Variants in TBC1D5 observed in about 807,000 individuals in gnomAD.
The protein encoded by TBC1D5 is TBC1 domain family member 5.
Under a neutral mutation model 100.3 loss-of-function variants are expected in TBC1D5, and 75 were observed. The observed-to-expected ratio is 0.75, with a 90% CI of 0.62 to 0.91. The LOEUF is 0.91. TBC1D5 is among the 40% of genes least tolerant of loss of function. The probability of loss-of-function intolerance (pLI) is 0.00; values close to 1 mark genes in which losing one functional copy is unlikely to be tolerated. For missense variants in TBC1D5, 910 were observed against 942.4 expected (o/e 0.97, Z 0.45); for synonymous variants, 323 against 325.6 (o/e 0.99, Z 0.09).
intron 17 of TBC1D5, among the ~76,000 whole-genome samples, chr3:17,220,274 A>G (rs2074127441): frequency 6.6e-6 from 1 of 152,132 alleles, no homozygotes. Context: ...ATCTGTTGCA[A>G]TTTCTGAAGG....
chr3:17,671,366 C>T (rs2067916676), intron 1 of TBC1D5, among the ~76,000 whole-genome samples: 1 of 152,154 alleles, frequency 6.6e-6, no homozygotes, highest in Non-Finnish European at 1.5e-5. Context: ...CTCTGGACAG[C>T]AAACCAAAAA....
chr3:17,483,218 A>G (rs181371247), intron 3 of TBC1D5, among the ~76,000 whole-genome samples: 1 of 152,314 alleles, frequency 6.6e-6, no homozygotes, highest in Non-Finnish European at 1.5e-5. Flanking sequence ...CTAAAATTAG[A>G]TAAACCATAT....
At chr3:17,405,340 A>G (rs2093743497) in intron 5 of TBC1D5, among the ~76,000 whole-genome samples, 1 of 152,094 alleles carries the variant, frequency 6.6e-6, no homozygotes, top group Non-Finnish European at 1.5e-5. Flanking sequence ...AGTAATTGCT[A>G]CATTTAAGGT....
chr3:17,169,100 A>G (rs2066923604), intron 19 of TBC1D5, among the ~76,000 whole-genome samples: 1 of 151,554 alleles, frequency 6.6e-6, no homozygotes, highest in Non-Finnish European at 1.5e-5. Context: ...CCCCCAAATG[A>G]CTCTCCAGTC....
At chr3:17,157,383 C>CTGTT (rs1365371700) in exon 22 of TBC1D5, 1 of 152,254 alleles carries the variant, frequency 6.6e-6, no homozygotes, top group African/African-American at 2.4e-5. Flanking sequence ...GGTCTCAAGC[C>CTGTT]TGTTTATACG....
chr3:17,244,972 G>A (rs1329262568), intron 16 of TBC1D5, among the ~76,000 whole-genome samples: 1 of 137,656 alleles, frequency 7.3e-6, no homozygotes. Flanking sequence ...AACTGTTTAA[G>A]CCCAGGAGTT....
At chr3:17,646,447 C>T (rs1053171867) in intron 1 of TBC1D5, among the ~76,000 whole-genome samples, 2 of 152,078 alleles carry the variant, frequency 1.3e-5, no homozygotes, top group African/African-American at 2.4e-5. Flanking sequence ...TCATCAAGCC[C>T]GCTACTTATC....
intron 1 of TBC1D5, among the ~76,000 whole-genome samples, chr3:17,700,684 C>T (rs2073027983): frequency 6.6e-6 from 1 of 152,180 alleles, no homozygotes; most frequent in Admixed American, 6.5e-5. Flanking sequence ...TGAAAAGACA[C>T]TTCTCAAAAG....
chr3:17,384,903 G>A (rs1449744895), intron 8 of TBC1D5, among the ~76,000 whole-genome samples: 1 of 152,014 alleles, frequency 6.6e-6, no homozygotes, highest in Non-Finnish European at 1.5e-5. Flanking sequence ...CATAGTAAAT[G>A]TATATTTTTG....
chr3:17,511,807 T>G (rs896353983), intron 2 of TBC1D5, among the ~76,000 whole-genome samples: 1 of 152,018 alleles, frequency 6.6e-6, no homozygotes, highest in Non-Finnish European at 1.5e-5. Context: ...ATATCCTGAT[T>G]TATTATGCCT....
chr3:17,448,138 C>G (rs1246613711), intron 3 of TBC1D5, among the ~76,000 whole-genome samples: 3 of 152,132 alleles, frequency 2.0e-5, no homozygotes, highest in African/African-American at 7.2e-5. Context: ...TCTGCTTATC[C>G]AAAAGAAGCA....
chr3:17,699,625 C>A (rs373372118), intron 1 of TBC1D5, among the ~76,000 whole-genome samples: 5 of 142,690 alleles, frequency 3.5e-5, no homozygotes, highest in Non-Finnish European at 7.6e-5. Context: ...CAGATTTATT[C>A]TCAATTATAT....
chr3:17,173,570 T>C (rs973805730), intron 19 of TBC1D5, among the ~76,000 whole-genome samples: 13 of 152,264 alleles, frequency 8.5e-5, no homozygotes, highest in African/African-American at 2.6e-4. Flanking sequence ...TCTCAGAAGG[T>C]TGCTGAGAGG....
At chr3:17,272,881 A>C (rs1471027187) in intron 15 of TBC1D5, among the ~76,000 whole-genome samples, 1 of 152,168 alleles carries the variant, frequency 6.6e-6, no homozygotes, top group Non-Finnish European at 1.5e-5. Flanking sequence ...ACTGATTGGG[A>C]AATGCTAAAG....
chr3:17,538,562 C>G (rs547565301), intron 2 of TBC1D5, among the ~76,000 whole-genome samples: 2 of 152,296 alleles, frequency 1.3e-5, no homozygotes, highest in East Asian at 3.9e-4. Flanking sequence ...CAAATTCTCA[C>G]TCCTGTTCTA....
At chr3:17,595,199 G>C (rs1021378426) in intron 2 of TBC1D5, among the ~76,000 whole-genome samples, 1 of 152,086 alleles carries the variant, frequency 6.6e-6, no homozygotes, top group Admixed American at 6.5e-5. Flanking sequence ...GTGGGACCTT[G>C]TGATCATTTC....
At chr3:17,180,078 T>C (rs1311555653) in intron 19 of TBC1D5, among the ~76,000 whole-genome samples, 1 of 152,240 alleles carries the variant, frequency 6.6e-6, no homozygotes, top group Non-Finnish European at 1.5e-5. Context: ...TTCAACTCAC[T>C]GTCAGGATGA....
chr3:17,330,597 T>C (rs2086746238), intron 13 of TBC1D5, among the ~76,000 whole-genome samples: 2 of 152,128 alleles, frequency 1.3e-5, no homozygotes, highest in Admixed American at 6.6e-5. Context: ...TCATCTCACC[T>C]AGAAAATTAC....
chr3:17,685,633 T>C (rs1043150440), intron 1 of TBC1D5, among the ~76,000 whole-genome samples: 1 of 152,054 alleles, frequency 6.6e-6, no homozygotes, highest in Non-Finnish European at 1.5e-5. Context: ...TCAATACATA[T>C]GAACACATTT....
Sources: gnomAD v4.1 joint callset for allele counts (sites outside exome capture counted in the v4.1 genomes callset) on GRCh38, gnomAD v4.1.1 for gene constraint, MANE v1.5 for transcripts, NCBI Gene and HGNC (gene_info 2026-07-23, HGNC 2026-07-21) for gene names.